The following CNTN5 variants were observed in gnomAD, a reference collection of about 807,000 sequenced individuals.
CNTN5 encodes contactin-5.
In CNTN5, 77 loss-of-function variants were observed where a neutral mutation model predicts 129.1. That is an observed-to-expected ratio of 0.60 (90% CI 0.50 to 0.72). CNTN5 has a LOEUF of 0.72. Ranked by LOEUF, CNTN5 falls within the 30% of genes least tolerant of loss-of-function variation. CNTN5 has a pLI of 0.00. For synonymous variants in CNTN5, 509 were observed against 465.6 expected, an observed-to-expected ratio of 1.09 and a Z score of -1.20; for missense variants, 1,478 against 1,328.8, an observed-to-expected ratio of 1.11 and a Z score of -1.75.
chr11:99,861,357 T>A (rs114828095), intron 6 of CNTN5, among the ~76,000 whole-genome samples: 1 of 152,158 alleles, frequency 6.6e-6, no homozygotes, highest in Non-Finnish European at 1.5e-5. Flanking sequence ...TCCGAAGTAT[T>A]TTTTGTAGGT....
intron 2 of CNTN5, among the ~76,000 whole-genome samples, chr11:99,517,296 C>A (rs76564738): frequency 0.066 from 10,004 of 151,982 alleles, 360 homozygotes; most frequent in African/African-American, 0.098. Flanking sequence ...ATTCCCTTAA[C>A]CCTTCATCAC....
At chr11:100,211,961 TATC>T (rs950839184) in intron 15 of CNTN5, among the ~76,000 whole-genome samples, 3 of 152,118 alleles carry the variant, frequency 2.0e-5, no homozygotes, top group African/African-American at 7.2e-5. Context: ...GGTGAGATCA[TATC>T]ATGGATGTTT....
chr11:99,527,539 T>C (rs1219650519), intron 2 of CNTN5, among the ~76,000 whole-genome samples: 1 of 152,036 alleles, frequency 6.6e-6, no homozygotes, highest in Non-Finnish European at 1.5e-5. Flanking sequence ...AGTATGAATA[T>C]GGAAGAAAAA....
At chr11:99,119,599 C>A (rs528093187) in intron 1 of CNTN5, among the ~76,000 whole-genome samples, 1 of 152,044 alleles carries the variant, frequency 6.6e-6, no homozygotes, top group African/African-American at 2.4e-5. Context: ...AATGAACATA[C>A]GCATACATGT....
chr11:99,150,805 A>G (rs1462704592), intron 1 of CNTN5, among the ~76,000 whole-genome samples: 1 of 152,086 alleles, frequency 6.6e-6, no homozygotes, highest in African/African-American at 2.4e-5. Context: ...GTTTGGGATT[A>G]ACTTTTCTTC....
At chr11:99,265,329 G>T (rs530178067) in intron 1 of CNTN5, among the ~76,000 whole-genome samples, 190 of 152,120 alleles carry the variant, frequency 1.2e-3, no homozygotes, top group Admixed American at 4.7e-3. Flanking sequence ...TAGTAAGAAA[G>T]AGTATAGATT....
At chr11:99,934,620 T>G (rs921345382) in intron 7 of CNTN5, among the ~76,000 whole-genome samples, 1 of 152,080 alleles carries the variant, frequency 6.6e-6, no homozygotes, top group Non-Finnish European at 1.5e-5. Context: ...CGGGGCATGG[T>G]TTCTCATGCC....
chr11:99,130,938 A>G (rs887251609), intron 1 of CNTN5, among the ~76,000 whole-genome samples: 4 of 152,120 alleles, frequency 2.6e-5, no homozygotes, highest in Admixed American at 2.6e-4. Context: ...ATGGACCAGA[A>G]TCTCTGGGAA....
chr11:99,798,403 T>G (rs892203282), intron 3 of CNTN5, among the ~76,000 whole-genome samples: 4 of 152,190 alleles, frequency 2.6e-5, no homozygotes, highest in African/African-American at 9.7e-5. Context: ...ATTTGGTGTT[T>G]TGCATTAAAA....
chr11:99,614,212 A>G (rs1414326047), intron 3 of CNTN5, among the ~76,000 whole-genome samples: 1 of 152,196 alleles, frequency 6.6e-6, no homozygotes, highest in Non-Finnish European at 1.5e-5. Flanking sequence ...GCTTGTTTTT[A>G]CTATATCAAT....
At chr11:99,710,563 GTGCA>G (rs776851153) in intron 3 of CNTN5, among the ~76,000 whole-genome samples, 5,418 of 116,556 alleles carry the variant, frequency 0.046, 82 homozygotes, top group East Asian at 0.078. Context: ...GTGTGTGTGT[GTGCA>G]TGTGTGTGTG....
chr11:99,956,780 G>A (rs1166771531), intron 7 of CNTN5, 26 bp from the exon 8 acceptor site: 13 of 1,597,398 alleles, frequency 8.1e-6, no homozygotes, highest in African/African-American at 2.7e-5. Context: ...AAAGTCTTTC[G>A]TTGACCAAAT....
intron 3 of CNTN5, among the ~76,000 whole-genome samples, chr11:99,643,854 T>A (rs199760682): frequency 1.5e-4 from 2 of 13,780 alleles, no homozygotes; most frequent in Non-Finnish European, 1.5e-3. Context: ...AAAATAATTT[T>A]AATTAAAAAT....
intron 21 of CNTN5, among the ~76,000 whole-genome samples, chr11:100,322,469 G>A (rs139034706): frequency 2.6e-5 from 4 of 152,128 alleles, no homozygotes; most frequent in Non-Finnish European, 4.4e-5. Flanking sequence ...TGATCCGGCC[G>A]TCTTGGCCTC....
intron 16 of CNTN5, among the ~76,000 whole-genome samples, chr11:100,239,606 C>T (rs1949693927): frequency 6.6e-6 from 1 of 152,108 alleles, no homozygotes; most frequent in Admixed American, 6.5e-5. Flanking sequence ...CCTTTCAAAA[C>T]ACCACCAATG....
At chr11:99,311,085 C>T (rs946072738) in intron 1 of CNTN5, among the ~76,000 whole-genome samples, 3 of 152,034 alleles carry the variant, frequency 2.0e-5, no homozygotes, top group Admixed American at 6.6e-5. Context: ...CACGATACCA[C>T]GCCCGGATAA....
At chr11:99,563,271 C>T (rs554602855) in intron 3 of CNTN5, among the ~76,000 whole-genome samples, 25 of 152,040 alleles carry the variant, frequency 1.6e-4, no homozygotes, top group African/African-American at 4.8e-4. Flanking sequence ...CCCAGCGTTA[C>T]GGCAGTGAGT....
chr11:100,086,837 A>G (rs1004842624), intron 13 of CNTN5, among the ~76,000 whole-genome samples: 2 of 151,518 alleles, frequency 1.3e-5, no homozygotes, highest in African/African-American at 4.8e-5. Flanking sequence ...TTTCCCCACT[A>G]TCAGAGTGGG....
chr11:100,058,629 C>T (rs930184251), intron 9 of CNTN5, among the ~76,000 whole-genome samples: 7 of 152,214 alleles, frequency 4.6e-5, no homozygotes, highest in Non-Finnish European at 8.8e-5. Context: ...CCAACTCCTT[C>T]ATCCAGCAAC....
Sources: allele counts gnomAD v4.1 joint callset (sites outside exome capture counted in the v4.1 genomes callset), GRCh38; gene constraint gnomAD v4.1.1; transcripts MANE v1.5; gene names NCBI Gene and HGNC (gene_info 2026-07-23, HGNC 2026-07-21).